The following MCM10 variants were observed in gnomAD, a reference collection of about 807,000 sequenced individuals.
MCM10 encodes protein MCM10 homolog.
MCM10 carries 91 observed loss-of-function variants against 109.9 expected under a neutral mutation model. That is an observed-to-expected ratio of 0.83 (90% CI 0.70 to 0.99). The LOEUF (loss-of-function observed/expected upper bound fraction) is 0.99, where lower values mean the gene tolerates loss of function less well. MCM10 is among the 50% of genes least tolerant of loss of function. The pLI is 0.00. For missense variants in MCM10, 1,077 were observed against 1,061.2 expected (o/e 1.01, Z -0.21); for synonymous variants, 380 against 387.2 (o/e 0.98, Z 0.22).
intron 2 of MCM10, 123 bp from the exon 3 acceptor site, chr10:13,170,799 G>A (rs1316718608): frequency 1.4e-6 from 1 of 718,726 alleles, no homozygotes; most frequent in Non-Finnish European, 2.3e-6. Flanking sequence ...CATCACCCAG[G>A]TAATGAGCAT....
rs74908492 is a variant in MCM10 at position 13,189,094 on chromosome 10, G to A, written c.1415+14G>A. On this transcript the variant is annotated intron_variant, in intron 10 of 19. Transcript: ENST00000378714. ...TGCAGCTTCAATGTAAGACGTTCTCGGGCTTCTTTTGGGCAGAGGATTTTG... is the reference window on the plus strand; with the variant it reads ...TGCAGCTTCAATGTAAGACGTTCTCAGGCTTCTTTTGGGCAGAGGATTTTG... 1.3e-3 allele frequency: 2,135 copies of A among 1,613,992 alleles called. 9 individuals are homozygous for A. Among genetic ancestry groups the A allele is most frequent in the Middle Eastern group, 7.1e-3 (43 of 6,062 alleles).
In MCM10 at chr10:13,183,070, C is replaced by A. The variant is rs149515019; in HGVS notation, c.1068C>A (p.Asn356Lys). 6.2e-7 allele frequency: 1 copy of A among 1,614,102 alleles called. No individual in the cohort carries two copies. The highest frequency in any genetic ancestry group is 1.3e-5 in the African/African-American group (1 of 75,036). The change falls in exon 8 of 20, where the codon AAC becomes AAA. Residue 356 changes from asparagine to lysine, a missense_variant. Physicochemically the swap from Asn to Lys is moderately conservative, Grantham distance 94 (BLOSUM62 0). Coordinates refer to ENST00000378714, the MANE Select transcript of MCM10 (RefSeq NM_018518.5). ...CTGTCGTAGGGATCCTCAATGCCAACCCCATGAAGCCCAAGGATGGTTCAG... is the reference window on the plus strand; with the variant it reads ...CTGTCGTAGGGATCCTCAATGCCAAACCCATGAAGCCCAAGGATGGTTCAG... ...QGTVVGILNANPMKPKDGSEE... is the reference protein window; with the variant it reads ...QGTVVGILNAKPMKPKDGSEE...
intron 6 of MCM10, 140 bp downstream of exon 6, chr10:13,175,821 G>T: frequency 1.7e-6 from 1 of 605,106 alleles, no homozygotes; most frequent in Non-Finnish European, 2.9e-6. Context: ...ACCACTGGAA[G>T]ACTAGCAGTA....
Position 13,201,319 on chromosome 10 carries a change from A to G in MCM10, c.2239-102A>G, listed in dbSNP as rs1256553613. 5.5e-6 allele frequency: 4 copies of G among 729,532 alleles called. No individual in the cohort carries two copies. The African/African-American group carries it at 7.0e-5, about 13-fold the overall frequency. 45.2% of individuals were successfully genotyped at this position (729,532 alleles called of 1,614,324 possible). A position where few individuals can be genotyped will look rare whatever the true frequency, so the allele number is the denominator to read the frequency against. ...TCCATTCTGTTCTGTTTTGATTATT[A>G]TCAGCTGAGTCATTTGAATAATCAT... On this transcript the variant is annotated intron_variant, in intron 16 of 19. Transcript: ENST00000378714.
At chr10:13,202,781 C>T (rs1834517552) in intron 17 of MCM10, among the ~76,000 whole-genome samples, 1 of 152,086 alleles carries the variant, frequency 6.6e-6, no homozygotes, top group East Asian at 1.9e-4. Flanking sequence ...CTGTTGCCAC[C>T]GTAACAATGA....
At chr10:13,176,784 C>T (rs1411839198) in intron 6 of MCM10, among the ~76,000 whole-genome samples, 1 of 152,056 alleles carries the variant, frequency 6.6e-6, no homozygotes, top group African/African-American at 2.4e-5. Flanking sequence ...TCCTAGCTAC[C>T]TGGGGGTGCT....
chr10:13,177,580 AC>A (rs1247565075), intron 6 of MCM10, among the ~76,000 whole-genome samples: 1 of 148,984 alleles, frequency 6.7e-6, no homozygotes, highest in Non-Finnish European at 1.5e-5. Flanking sequence ...GTATAGAAGA[AC>A]CTTTCCCTAG....
chr10:13,207,475 C>T (rs3781083), intron 18 of MCM10, among the ~76,000 whole-genome samples: 3,968 of 152,144 alleles, frequency 0.026, 152 homozygotes, highest in African/African-American at 0.077. Context: ...AGGCCACTGG[C>T]GTGCCACCTT....
intron 1 of MCM10, among the ~76,000 whole-genome samples, chr10:13,163,011 G>A (rs1422976919): frequency 6.6e-6 from 1 of 151,868 alleles, no homozygotes; most frequent in Non-Finnish European, 1.5e-5. Flanking sequence ...CCCGGGAGGC[G>A]GAGCTTGCAG....
In MCM10 at chr10:13,204,293, G is replaced by A; in HGVS notation, c.2427G>A (p.Val809=). ...ATGAATACCACTGGCATGATGGTGT[G>A]AAGAGGTTTTTCAAATGTCCCTGTG... The part of the protein sequence containing the change: ...EQHEYHWHDG[V]KRFFKCPCGN... Residue 809 remains valine, a synonymous_variant, in exon 18 of 20, where the codon GTG becomes GTA. Coordinates refer to ENST00000378714, the MANE Select transcript of MCM10 (RefSeq NM_018518.5). 1 of 1,614,224 alleles carries A rather than the reference G, an allele frequency of 6.2e-7. No homozygotes were observed. The highest frequency in any genetic ancestry group is 8.5e-7 in the Non-Finnish European group (1 of 1,180,042).
In MCM10 at chr10:13,204,998, GTATGTATATATATATATATATATA is replaced by G. The variant is rs1468247388; in HGVS notation, c.2498+638_2498+661del. Among the ~76,000 whole-genome samples the G allele has an allele frequency of 2.5e-3, 49 of 19,554 alleles. 1 individual carries two copies. The highest frequency in any genetic ancestry group is 4.0e-3 in the Admixed American group (7 of 1,750). The allele number at this position is 19,554 out of a possible 152,430, so 12.8% of individuals were successfully genotyped here. On this transcript the variant is annotated intron_variant, in intron 18 of 19. Transcript: ENST00000378714. Reference sequence around the variant, plus strand: ...TTGTGCTTCTCATGTATGTATGTATGTATGTATATATATATATATATATATATATATATATATATATATATATAT... The same window carrying G: ...TTGTGCTTCTCATGTATGTATGTATGTATATATATATATATATATATATAT...
intron 9 of MCM10, among the ~76,000 whole-genome samples, chr10:13,188,207 CTCTT>C (rs1834299928): frequency 6.6e-6 from 1 of 152,154 alleles, no homozygotes; most frequent in Admixed American, 6.5e-5. Context: ...TGCACCATCT[CTCTT>C]TGTTTCTTTC....
At chr10:13,173,805 T>C (rs1834106198) in intron 5 of MCM10, among the ~76,000 whole-genome samples, 1 of 152,146 alleles carries the variant, frequency 6.6e-6, no homozygotes, top group African/African-American at 2.4e-5. Flanking sequence ...AGTTTGGTTT[T>C]AAGGGGTGGG....
At chr10:13,202,735 C>T (rs779560912) in intron 17 of MCM10, among the ~76,000 whole-genome samples, 5 of 152,194 alleles carry the variant, frequency 3.3e-5, no homozygotes, top group African/African-American at 4.8e-5. Flanking sequence ...TCTGACACAG[C>T]GGTGGACCTG....
In MCM10 at chr10:13,204,492, T is replaced by G. The variant is rs139309650; in HGVS notation, c.2498+128T>G. 1.2e-4 allele frequency: 145 copies of G among 1,198,922 alleles called. No individual in the cohort carries two copies. The African/African-American group carries it at 2.1e-3, about 17-fold the overall frequency. 74.3% of individuals were successfully genotyped at this position (1,198,922 alleles called of 1,614,324 possible). On this transcript the variant is annotated intron_variant, in intron 18 of 19. Transcript: ENST00000378714. ...GCCTTCCTATAGCTCCAGGCTACCCTTGGGACTCAAGCTGTTAACTGAAAT... is the reference window on the plus strand; with the variant it reads ...GCCTTCCTATAGCTCCAGGCTACCCGTGGGACTCAAGCTGTTAACTGAAAT...
At chr10:13,177,662 A>C (rs1267559719) in intron 6 of MCM10, among the ~76,000 whole-genome samples, 9 of 152,082 alleles carry the variant, frequency 5.9e-5, no homozygotes, top group Non-Finnish European at 4.4e-5. Context: ...GCTTGAGCTC[A>C]GGAGTTTGAG....
At chr10:13,175,014 G>C (rs1834121903) in intron 5 of MCM10, among the ~76,000 whole-genome samples, 1 of 152,142 alleles carries the variant, frequency 6.6e-6, no homozygotes, top group Admixed American at 6.5e-5. Context: ...TGTAATCCCA[G>C]CTACTTGGGA....
chr10:13,181,300 A>G (rs78102393), intron 7 of MCM10, among the ~76,000 whole-genome samples: 1,615 of 152,302 alleles, frequency 0.011, 26 homozygotes, highest in African/African-American at 0.025. Context: ...GATCATGCTC[A>G]ATCATGATGT....
chr10:13,171,307 G>T (rs1834070395), intron 3 of MCM10, 44 bp downstream of exon 3: 2 of 1,495,892 alleles, frequency 1.3e-6, no homozygotes, highest in Middle Eastern at 2.1e-4. Flanking sequence ...GGATAAGTTG[G>T]ATGAAGACCA....
Sources: gnomAD v4.1 joint callset for allele counts (sites outside exome capture counted in the v4.1 genomes callset) on GRCh38, gnomAD v4.1.1 for gene constraint, MANE v1.5 for transcripts, NCBI Gene and HGNC (gene_info 2026-07-23, HGNC 2026-07-21) for gene names.